PEX13: variants seen among roughly 807,000 people sequenced by gnomAD.
The protein encoded by PEX13 is peroxisome biogenesis factor 13.
PEX13 carries 28 observed loss-of-function variants against 34.5 expected under a neutral mutation model. That is an observed-to-expected ratio of 0.81 (90% CI 0.60 to 1.11). The LOEUF is 1.11. Ranked by LOEUF, PEX13 falls within the 50% of genes most tolerant of loss-of-function variation. The pLI is 0.00. For synonymous variants in PEX13, 177 were observed against 175.1 expected (o/e 1.01, Z -0.09); for missense variants, 550 against 491.0 (o/e 1.12, Z -1.13).
intron 2 of PEX13, among the ~76,000 whole-genome samples, chr2:61,034,612 C>T (rs571567926): frequency 1.3e-4 from 20 of 152,346 alleles, no homozygotes; most frequent in African/African-American, 4.3e-4. Context: ...CCAAATACAG[C>T]GCTTTTCCTA....
chr2:61,035,711 T>A (rs56075037), intron 2 of PEX13, among the ~76,000 whole-genome samples: 1 of 152,162 alleles, frequency 6.6e-6, no homozygotes, highest in South Asian at 2.1e-4. Context: ...TGGCCAGGCA[T>A]GGTGGCACAC....
chr2:61,034,794 A>C (rs943610537), intron 2 of PEX13, among the ~76,000 whole-genome samples: 2 of 152,208 alleles, frequency 1.3e-5, no homozygotes, highest in Non-Finnish European at 2.9e-5. Flanking sequence ...AGTAGCTCAC[A>C]GTGTAAACAA....
chr2:61,027,225 C>T (rs1202744153), intron 1 of PEX13, among the ~76,000 whole-genome samples: 1 of 150,324 alleles, frequency 6.7e-6, no homozygotes, highest in Non-Finnish European at 1.5e-5. Flanking sequence ...GTAGTCCCAG[C>T]TACTTGGGAA....
rs1680745601 is a variant in PEX13 at position 61,048,541 on chromosome 2, C to T, written c.983C>T (p.Ala328Val). ...LDGQTTGLIP[A>V]NYVKILGKRK... ...GGCCAAACAACAGGACTTATACCTG[C>T]GAATTATGTCAAAATTCTTGGCAAA... The change falls in exon 4 of 4, where the codon GCG (alanine) becomes GTG (valine). Residue 328 changes from alanine (A) to valine (V), a missense_variant. By Grantham distance (64) the Ala-to-Val change is moderately conservative. Coordinates refer to ENST00000295030, the MANE Select transcript of PEX13 (RefSeq NM_002618.4). The T allele has an allele frequency of 2.5e-6, 4 of 1,613,836 alleles. No homozygotes were observed. The highest frequency in any genetic ancestry group is 2.5e-6 in the Non-Finnish European group (3 of 1,179,798).
intron 1 of PEX13, among the ~76,000 whole-genome samples, chr2:61,024,011 G>A (rs959432231): frequency 3.3e-5 from 5 of 151,992 alleles, no homozygotes; most frequent in Non-Finnish European, 7.4e-5. Flanking sequence ...TGCCAAGGCC[G>A]ATCTTAAATT....
intron 2 of PEX13, among the ~76,000 whole-genome samples, chr2:61,032,903 G>T (rs191138138): frequency 8.5e-5 from 13 of 152,290 alleles, no homozygotes; most frequent in Non-Finnish European, 1.5e-4. Flanking sequence ...TTATTTGGTA[G>T]TTGTCCTATA....
At position 61,045,859 on chromosome 2, in the gene PEX13, A is replaced by G. The variant is rs776158712; in HGVS notation, c.913+8A>G. 1.9e-6 allele frequency: 3 copies of G among 1,607,618 alleles called. No homozygotes were observed. The highest frequency in any genetic ancestry group is 3.3e-5 in the Admixed American group (2 of 60,014). On this transcript the variant is annotated splice_region_variant and intron_variant, in intron 3 of 3. Coordinates refer to ENST00000295030, the MANE Select transcript of PEX13 (RefSeq NM_002618.4). ...TGAACTTAGCTCTCAAAGGTAATAA[A>G]TTATGAATAAGTTGGAATTATCTGT...
intron 1 of PEX13, among the ~76,000 whole-genome samples, chr2:61,023,628 C>CA (rs1234472796): frequency 6.6e-6 from 1 of 152,006 alleles, no homozygotes; most frequent in African/African-American, 2.4e-5. Context: ...TTATCTGACT[C>CA]ACTGTGATTT....
chr2:61,017,725 G>A lies in PEX13; in HGVS notation c.-35G>A, dbSNP rs557495907. ...TGGTCTACGCGGGCCTGGACAGTCA[G>A]GGGTAGGAGCGGGAGCCGAGAGGAG... On this transcript the variant is annotated 5_prime_UTR_variant, in exon 1 of 4. Transcript: ENST00000295030. 2.4e-5 allele frequency: 37 copies of A among 1,529,192 alleles called. No individual in the cohort carries two copies. The highest frequency in any genetic ancestry group is 2.0e-4 in the South Asian group (17 of 83,418). 94.7% of individuals were successfully genotyped at this position (1,529,192 alleles called of 1,614,324 possible).
intron 1 of PEX13, 47 bp downstream of exon 1, chr2:61,017,898 G>A (rs2104788294): frequency 6.6e-7 from 1 of 1,518,698 alleles, no homozygotes. Context: ...GCCCGAGCGG[G>A]GACTTGGCAG....
intron 1 of PEX13, chr2:61,018,687 C>T (rs1282999518): frequency 6.4e-6 from 1 of 155,596 alleles, no homozygotes; most frequent in Non-Finnish European, 1.4e-5. Flanking sequence ...TGTATTTCTG[C>T]TGTATTCTGA....
chr2:61,020,029 C>T (rs965093785), intron 1 of PEX13, among the ~76,000 whole-genome samples: 1 of 152,124 alleles, frequency 6.6e-6, no homozygotes, highest in African/African-American at 2.4e-5. Context: ...CGAGACCATC[C>T]TGGCTAACTC....
In PEX13 at chr2:61,048,908, A is replaced by T. The variant is rs969442986; in HGVS notation, c.*138A>T. 61 of 730,788 alleles carry T rather than the reference A, an allele frequency of 8.3e-5. No homozygotes were observed. In the African/African-American group the frequency reaches 9.9e-4, roughly 12 times the overall value. 45.3% of individuals were successfully genotyped at this position (730,788 alleles called of 1,614,324 possible). A position where few individuals can be genotyped will look rare whatever the true frequency, so the allele number is the denominator to read the frequency against. ...AGGTGTTTTGCTGCTAGAAATTATTAAAGTTACACACTAGTATGTTGGTCT... is the reference window on the plus strand; with the variant it reads ...AGGTGTTTTGCTGCTAGAAATTATTTAAGTTACACACTAGTATGTTGGTCT... On this transcript the variant is annotated 3_prime_UTR_variant, in exon 4 of 4. Transcript: ENST00000295030.
chr2:61,048,592 C>G lies in PEX13; in HGVS notation c.1034C>G (p.Ser345Ter), dbSNP rs748038698. The change falls in exon 4 of 4, where the codon TCA becomes TGA. Residue 345 changes from serine to a stop codon, truncating the protein, a stop_gained. Transcript: ENST00000295030. LOFTEE classifies it high-confidence loss of function. ...AGAAAAGGTAGGAAAACGGTGGAAT[C>G]AAGTAAAGTTTCCAAGCAGCAACAA... ...GKRKGRKTVE[S>*]SKVSKQQQSF... 2.5e-6 allele frequency: 4 copies of G among 1,614,100 alleles called. No individual in the cohort carries two copies. The East Asian group carries it at 6.7e-5, about 27-fold the overall frequency.
At chr2:61,039,558 G>C (rs1680588664) in intron 2 of PEX13, among the ~76,000 whole-genome samples, 1 of 152,072 alleles carries the variant, frequency 6.6e-6, no homozygotes, top group Non-Finnish European at 1.5e-5. Context: ...AGCTGAAACT[G>C]GATTCCTTCC....
intron 1 of PEX13, among the ~76,000 whole-genome samples, chr2:61,026,344 CTTTTTTT>C (rs71402320): frequency 5.8e-5 from 7 of 121,224 alleles, no homozygotes; most frequent in East Asian, 2.3e-4. Context: ...TTTCTTTTTT[CTTTTTTT>C]TTTTTTTTTT....
intron 1 of PEX13, among the ~76,000 whole-genome samples, chr2:61,030,423 T>TG: frequency 6.6e-6 from 1 of 152,304 alleles, no homozygotes; most frequent in South Asian, 2.1e-4. Flanking sequence ...ACAGTTGTCT[T>TG]TATCAAAGTC....
chr2:61,026,614 G>A (rs898658089), intron 1 of PEX13, among the ~76,000 whole-genome samples: 1 of 150,540 alleles, frequency 6.6e-6, no homozygotes, highest in East Asian at 2.0e-4. Context: ...CCAAAGTGCT[G>A]GGATTGCAGA....
chr2:61,051,831 C>G lies in PEX13; in HGVS notation c.*3061C>G. On this transcript the variant is annotated 3_prime_UTR_variant, in exon 4 of 4. Transcript: ENST00000295030. Reference sequence around the variant, plus strand: ...TAACATTTTATGTACGTACTTGATTCTGTCTGTGTCATAATTACACATTTA... The same window carrying G: ...TAACATTTTATGTACGTACTTGATTGTGTCTGTGTCATAATTACACATTTA... The G allele has an allele frequency of 6.6e-6, 1 of 152,392 alleles. No individual in the cohort carries two copies. Among genetic ancestry groups the G allele is most frequent in the East Asian group, 1.9e-4 (1 of 5,326 alleles). 9.4% of individuals were successfully genotyped at this position (152,392 alleles called of 1,614,324 possible).
Sources: gnomAD v4.1 joint callset for allele counts (sites outside exome capture counted in the v4.1 genomes callset) on GRCh38, gnomAD v4.1.1 for gene constraint, MANE v1.5 for transcripts, NCBI Gene and HGNC (gene_info 2026-07-23, HGNC 2026-07-21) for gene names.